Variants in LAMA2 observed in about 807,000 individuals in gnomAD.
The protein encoded by LAMA2 is laminin subunit alpha 2.
A neutral mutation model predicts 364.8 loss-of-function variants in LAMA2; 269 were observed. The observed-to-expected ratio is 0.74, with a 90% CI of 0.67 to 0.82. The LOEUF is 0.82. LAMA2 is among the 40% of genes least tolerant of loss of function. The pLI, the probability that LAMA2 is intolerant of heterozygous loss-of-function variation, is 0.00. For synonymous variants in LAMA2, 1,379 were observed against 1,370.6 expected, an observed-to-expected ratio of 1.01 and a Z score of -0.14; for missense variants, 3,807 against 3,873.2, an observed-to-expected ratio of 0.98 and a Z score of 0.45.
At chr6:129,110,931 A>T (rs964150601) in intron 4 of LAMA2, among the ~76,000 whole-genome samples, 18 of 152,052 alleles carry the variant, frequency 1.2e-4, no homozygotes, top group Admixed American at 1.1e-3. Flanking sequence ...TTAACAGGAA[A>T]GATAATGTAC....
intron 1 of LAMA2, among the ~76,000 whole-genome samples, chr6:128,920,911 A>C (rs796070963): frequency 3.9e-5 from 6 of 152,218 alleles, no homozygotes; most frequent in African/African-American, 1.4e-4. Context: ...TGATTATTGA[A>C]TATCAAGAAA....
intron 1 of LAMA2, among the ~76,000 whole-genome samples, chr6:128,967,606 C>A (rs1781922698): frequency 6.6e-6 from 1 of 152,100 alleles, no homozygotes; most frequent in South Asian, 2.1e-4. Flanking sequence ...TAAAAGTTAA[C>A]CCTGCTCAAA....
In LAMA2 at chr6:129,433,254, T is replaced by C. The variant is rs1781686319; in HGVS notation, c.5969-5392T>C. 2.0e-5 allele frequency among the ~76,000 whole-genome samples: 3 copies of C among 150,796 alleles called. No homozygotes were observed. The South Asian group carries it at 6.3e-4, about 32-fold the overall frequency. On this transcript the variant is annotated intron_variant, in intron 41 of 64. Transcript: ENST00000421865. ...AATGCAGAAAATTGGAGGGATTTTTTCTAAGAAGTACAAAGATTGGGTGTA... is the reference window on the plus strand; with the variant it reads ...AATGCAGAAAATTGGAGGGATTTTTCCTAAGAAGTACAAAGATTGGGTGTA...
chr6:129,029,354 T>G (rs1786063926), intron 1 of LAMA2, among the ~76,000 whole-genome samples: 1 of 151,954 alleles, frequency 6.6e-6, no homozygotes, highest in Non-Finnish European at 1.5e-5. Context: ...TGGCAGCATA[T>G]AAAAACTCAG....
rs1788623231 is a variant in LAMA2 at position 129,280,151 on chromosome 6, A to G, written c.2537+4A>G. 2 of 1,567,786 alleles carry G rather than the reference A, an allele frequency of 1.3e-6. No homozygotes were observed. The highest frequency in any genetic ancestry group is 2.7e-5 in the African/African-American group (2 of 74,066). On this transcript the variant is annotated splice_donor_region_variant and intron_variant, in intron 18 of 64. Transcript: ENST00000421865. ...ACACAGGACCACGCTGTGAGAGGTA[A>G]GAGTATACTACACTGTCTTGCAAAA...
chr6:129,299,103 A>G, intron 21 of LAMA2, among the ~76,000 whole-genome samples: 1 of 152,080 alleles, frequency 6.6e-6, no homozygotes, highest in Admixed American at 6.6e-5. Flanking sequence ...GCATTTAATA[A>G]ATGCAGACCT....
At chr6:129,063,105 C>T (rs1463473556) in intron 3 of LAMA2, among the ~76,000 whole-genome samples, 1 of 151,896 alleles carries the variant, frequency 6.6e-6, no homozygotes, top group Non-Finnish European at 1.5e-5. Flanking sequence ...CATGCTGTGC[C>T]TCAACTTCTA....
At chr6:129,268,402 A>C (rs1253788886) in intron 16 of LAMA2, among the ~76,000 whole-genome samples, 1 of 152,086 alleles carries the variant, frequency 6.6e-6, no homozygotes, top group African/African-American at 2.4e-5. Context: ...AATAATACTC[A>C]GCCCAAAACT....
At chr6:129,365,658 C>T (rs571078701) in intron 32 of LAMA2, among the ~76,000 whole-genome samples, 22 of 148,660 alleles carry the variant, frequency 1.5e-4, no homozygotes, top group East Asian at 7.9e-4. Flanking sequence ...CCACCACACC[C>T]GGCCTTCTTT....
chr6:129,227,842 C>T (rs1366514238), intron 12 of LAMA2, among the ~76,000 whole-genome samples: 7 of 152,134 alleles, frequency 4.6e-5, no homozygotes, highest in Non-Finnish European at 1.0e-4. Flanking sequence ...AGAACCACTA[C>T]TCTCTTCAAA....
Position 129,402,382 on chromosome 6 carries a change from T to A in LAMA2, c.5621T>A (p.Ile1874Lys). Residue 1874 changes from isoleucine (I) to lysine (K), a missense_variant, in exon 39 of 65, where the codon ATA becomes AAA. Transcript: ENST00000421865. The stretch of plus-strand genomic sequence containing the variant: ...ATGTCTGAGGAGCTTAATGATAAAA[T>A]AGATGACCTCTCCCAAGAAATAAAG... ...PPMSEELNDK[I>K]DDLSQEIKDR... The A allele has an allele frequency of 2.5e-6, 4 of 1,613,938 alleles. No homozygotes were observed. Among genetic ancestry groups the A allele is most frequent in the Non-Finnish European group, 3.4e-6 (4 of 1,179,896 alleles).
intron 56 of LAMA2, among the ~76,000 whole-genome samples, chr6:129,487,353 A>G (rs771337155): frequency 2.0e-4 from 31 of 152,314 alleles, no homozygotes; most frequent in Non-Finnish European, 3.8e-4. Context: ...TGTATTTTTC[A>G]TCAAAATATT....
At chr6:129,470,591 G>A (rs192739947) in intron 51 of LAMA2, among the ~76,000 whole-genome samples, 1 of 152,020 alleles carries the variant, frequency 6.6e-6, no homozygotes, top group East Asian at 1.9e-4. Flanking sequence ...ATGGAAGCCA[G>A]AAGAAATTTC....
intron 35 of LAMA2, among the ~76,000 whole-genome samples, chr6:129,387,697 A>G (rs528014912): frequency 6.6e-6 from 1 of 152,366 alleles, no homozygotes; most frequent in Non-Finnish European, 1.5e-5. Context: ...TGGTACATAT[A>G]CACCATGGAA....
chr6:129,069,013 A>G (rs1003409045), intron 3 of LAMA2, among the ~76,000 whole-genome samples: 6 of 152,148 alleles, frequency 3.9e-5, no homozygotes, highest in Non-Finnish European at 8.8e-5. Flanking sequence ...GAAAATGTAA[A>G]CATTTTGGAG....
intron 36 of LAMA2, among the ~76,000 whole-genome samples, chr6:129,392,287 T>C (rs1330743120): frequency 6.6e-6 from 1 of 152,170 alleles, no homozygotes; most frequent in African/African-American, 2.4e-5. Flanking sequence ...AAAGTGGTAG[T>C]ATTACTAATA....
intron 12 of LAMA2, among the ~76,000 whole-genome samples, chr6:129,231,918 A>G (rs975183900): frequency 2.0e-5 from 3 of 152,138 alleles, no homozygotes; most frequent in Non-Finnish European, 4.4e-5. Flanking sequence ...GTTTATAAAC[A>G]AATAAATGTC....
At chr6:129,106,872 A>AT (rs199964623) in intron 4 of LAMA2, among the ~76,000 whole-genome samples, 11,897 of 140,686 alleles carry the variant, frequency 0.085, 570 homozygotes, top group Middle Eastern at 0.15. Flanking sequence ...AAAAAAAAAA[A>AT]AAAATATATA....
intron 58 of LAMA2, among the ~76,000 whole-genome samples, chr6:129,494,892 T>A (rs1227113285): frequency 6.6e-6 from 1 of 152,246 alleles, no homozygotes; most frequent in Non-Finnish European, 1.5e-5. Flanking sequence ...AGTTGAAGAA[T>A]TAGAAAACAT....
Sources: allele counts gnomAD v4.1 joint callset (sites outside exome capture counted in the v4.1 genomes callset), GRCh38; gene constraint gnomAD v4.1.1; transcripts MANE v1.5; gene names NCBI Gene and HGNC (gene_info 2026-07-23, HGNC 2026-07-21).